PTPRM: variants seen among roughly 807,000 people sequenced by gnomAD.
PTPRM encodes the protein protein tyrosine phosphatase receptor type M, also known as receptor-type tyrosine-protein phosphatase mu.
In PTPRM, 47 loss-of-function variants were observed where a neutral mutation model predicts 186.7. The ratio of observed to expected loss-of-function variants is 0.25; its 90% CI spans 0.20 to 0.32. The LOEUF (loss-of-function observed/expected upper bound fraction) is 0.32. Ranked by LOEUF, PTPRM falls within the 10% of genes least tolerant of loss-of-function variation. The probability of loss-of-function intolerance (pLI) is 1.00; values close to 1 mark genes in which losing one functional copy is unlikely to be tolerated. For synonymous variants in PTPRM, 668 were observed against 674.9 expected (o/e 0.99, Z 0.16); for missense variants, 1,494 against 1,865.0 (o/e 0.80, Z 3.66).
At chr18:7,629,859 C>T (rs1823211819) in intron 1 of PTPRM, among the ~76,000 whole-genome samples, 1 of 152,004 alleles carries the variant, frequency 6.6e-6, no homozygotes, top group African/African-American at 2.4e-5. Flanking sequence ...TAAAAATGTT[C>T]ATGGAGGAGG....
In PTPRM at chr18:8,008,265, G is replaced by A. The variant is rs932376923; in HGVS notation, c.1132+52851G>A. 5.3e-5 allele frequency among the ~76,000 whole-genome samples: 8 copies of A among 152,168 alleles called. No homozygotes were observed. The East Asian group carries it at 7.7e-4, about 15-fold the overall frequency. On this transcript the variant is annotated intron_variant, in intron 7 of 32. Coordinates refer to ENST00000580170, the MANE Select transcript of PTPRM (RefSeq NM_001105244.2). ...GATCAGCTGTGTACAGTAGGAGGTC[G>A]GCAGTTCAGTTCTGCACAATGCAGA...
chr18:8,262,596 A>G (rs773524188), intron 19 of PTPRM, among the ~76,000 whole-genome samples: 14 of 152,184 alleles, frequency 9.2e-5, no homozygotes, highest in Non-Finnish European at 1.9e-4. Flanking sequence ...CCCTTTGGAC[A>G]CAGCTCAGAT....
intron 19 of PTPRM, among the ~76,000 whole-genome samples, chr18:8,276,242 T>C (rs1174917156): frequency 6.6e-6 from 1 of 152,104 alleles, no homozygotes; most frequent in Non-Finnish European, 1.5e-5. Context: ...AGACTCTATT[T>C]ACTACCTCTC....
intron 1 of PTPRM, among the ~76,000 whole-genome samples, chr18:7,677,796 C>T (rs915544573): frequency 1.3e-5 from 2 of 152,090 alleles, no homozygotes; most frequent in Non-Finnish European, 2.9e-5. Flanking sequence ...ATCAGAGAAG[C>T]CCACACGCCA....
intron 31 of PTPRM, among the ~76,000 whole-genome samples, chr18:8,393,271 G>A (rs955948133): frequency 3.3e-5 from 5 of 152,192 alleles, no homozygotes; most frequent in East Asian, 3.8e-4. Context: ...CGAAATGCAC[G>A]GCCTTGTTTC....
At chr18:8,274,374 T>C (rs2094809029) in intron 19 of PTPRM, among the ~76,000 whole-genome samples, 1 of 152,234 alleles carries the variant, frequency 6.6e-6, no homozygotes, top group Admixed American at 6.5e-5. Flanking sequence ...ATAATTTTAA[T>C]GCTTTTTTAA....
intron 22 of PTPRM, among the ~76,000 whole-genome samples, chr18:8,321,658 G>C (rs1271816666): frequency 6.6e-6 from 1 of 152,200 alleles, no homozygotes; most frequent in Non-Finnish European, 1.5e-5. Flanking sequence ...TGTTTACCAG[G>C]TCGTGGCAGC....
chr18:7,688,071 G>T (rs2039647749), intron 1 of PTPRM, among the ~76,000 whole-genome samples: 1 of 152,032 alleles, frequency 6.6e-6, no homozygotes, highest in Non-Finnish European at 1.5e-5. Flanking sequence ...CACTGTGCCT[G>T]GTCAAAATTT....
chr18:7,631,451 G>GTTT (rs74388341), intron 1 of PTPRM, among the ~76,000 whole-genome samples: 291 of 139,802 alleles, frequency 2.1e-3, no homozygotes, highest in African/African-American at 6.3e-3. Context: ...CTACAAGGCT[G>GTTT]TTTTTTTTTT....
At chr18:7,779,492 T>A (rs1232515626) in intron 2 of PTPRM, among the ~76,000 whole-genome samples, 1 of 152,206 alleles carries the variant, frequency 6.6e-6, no homozygotes, top group Non-Finnish European at 1.5e-5. Context: ...GAAAAATGAC[T>A]ACATATATTT....
intron 2 of PTPRM, among the ~76,000 whole-genome samples, chr18:7,786,493 A>G (rs1456494286): frequency 6.6e-6 from 1 of 152,212 alleles, no homozygotes; most frequent in Non-Finnish European, 1.5e-5. Flanking sequence ...TCTGTTACCC[A>G]TAGAAAATGC....
chr18:7,991,734 C>T (rs1176457060), intron 7 of PTPRM, among the ~76,000 whole-genome samples: 2 of 152,024 alleles, frequency 1.3e-5, no homozygotes, highest in Non-Finnish European at 2.9e-5. Context: ...TAGTAACTGA[C>T]ACAAAGGATT....
intron 14 of PTPRM, among the ~76,000 whole-genome samples, chr18:8,207,708 C>T (rs2093950060): frequency 6.6e-6 from 1 of 152,092 alleles, no homozygotes; most frequent in Non-Finnish European, 1.5e-5. Context: ...AGATTTTATG[C>T]AATGAAAATG....
In PTPRM at chr18:7,721,266, A is replaced by G. The variant is rs191858653; in HGVS notation, c.74-52883A>G. 2.1e-4 allele frequency among the ~76,000 whole-genome samples: 31 copies of G among 150,490 alleles called. No homozygotes were observed. The Admixed American group carries it at 2.1e-3, about 10-fold the overall frequency. ...TTTTATATTCTTTTTGGCCATTTGTATATCTTCTTTGGAGGAATGTCTATT... is the reference window on the plus strand; with the variant it reads ...TTTTATATTCTTTTTGGCCATTTGTGTATCTTCTTTGGAGGAATGTCTATT... On this transcript the variant is annotated intron_variant, in intron 1 of 32. Transcript: ENST00000580170.
chr18:7,734,640 TAATTAA>T (rs2040729316), intron 1 of PTPRM, among the ~76,000 whole-genome samples: 1 of 152,196 alleles, frequency 6.6e-6, no homozygotes, highest in Non-Finnish European at 1.5e-5. Flanking sequence ...TTACCTATGT[TAATTAA>T]AAGAAGGGAG....
At chr18:8,227,012 G>T (rs4410143) in intron 14 of PTPRM, among the ~76,000 whole-genome samples, 2 of 152,052 alleles carry the variant, frequency 1.3e-5, no homozygotes, top group African/African-American at 4.8e-5. Context: ...TGGCCCACTT[G>T]GATAATTTAG....
rs77199300 is a variant in PTPRM, at chr18:7,852,074, A to T, written c.197-36032A>T. 3.4e-3 allele frequency among the ~76,000 whole-genome samples: 517 copies of T among 152,340 alleles called. 21 individuals are homozygous for T. The East Asian group carries it at 0.084, about 25-fold the overall frequency. ...ACTGGCATGGAAATTATAATAATAA[A>T]AACACCAATCTAGAAGAGAGCAGTA... On this transcript the variant is annotated intron_variant, in intron 2 of 32. Coordinates refer to ENST00000580170, the MANE Select transcript of PTPRM (RefSeq NM_001105244.2).
chr18:8,142,989 A>G (rs561746597), intron 13 of PTPRM, among the ~76,000 whole-genome samples: 1 of 152,312 alleles, frequency 6.6e-6, no homozygotes, highest in East Asian at 1.9e-4. Flanking sequence ...GACCCTGGTT[A>G]TCTCATTTAA....
chr18:8,310,826 G>A (rs547205293), intron 20 of PTPRM, among the ~76,000 whole-genome samples: 34 of 152,216 alleles, frequency 2.2e-4, no homozygotes, highest in African/African-American at 7.9e-4. Context: ...ATAGTGTTTG[G>A]CATATAGCAG....
Sources: gnomAD v4.1 joint callset for allele counts (sites outside exome capture counted in the v4.1 genomes callset) on GRCh38, gnomAD v4.1.1 for gene constraint, MANE v1.5 for transcripts, NCBI Gene and HGNC (gene_info 2026-07-23, HGNC 2026-07-21) for gene names.